PEX14: variants seen among roughly 807,000 people sequenced by gnomAD.
PEX14 encodes peroxisomal biogenesis factor 14, also known as peroxisomal membrane protein PEX14.
In PEX14, 15 loss-of-function variants were observed where a neutral mutation model predicts 49.5. The observed-to-expected ratio is 0.30, with a 90% CI of 0.20 to 0.47. The LOEUF is 0.47. Ranked by LOEUF, PEX14 falls within the 20% of genes least tolerant of loss-of-function variation. PEX14 has a pLI of 1.00. For synonymous variants in PEX14, 210 were observed against 212.7 expected, an observed-to-expected ratio of 0.99 and a Z score of 0.11; for missense variants, 398 against 494.8, an observed-to-expected ratio of 0.80 and a Z score of 1.86.
chr1:10,487,328 A>G lies in PEX14; in HGVS notation c.37-7946A>G, dbSNP rs568429863. 1.2e-4 allele frequency among the ~76,000 whole-genome samples: 17 copies of G among 141,094 alleles called. No homozygotes were observed. The East Asian group carries it at 3.4e-3, about 28-fold the overall frequency. 92.6% of individuals were successfully genotyped at this position (141,094 alleles called of 152,430 possible). On this transcript the variant is annotated intron_variant, in intron 1 of 8. Coordinates refer to ENST00000356607, the MANE Select transcript of PEX14 (RefSeq NM_004565.3). ...ACTGGCCTCATGGAGTGAGTTTGGC[A>G]GTTTTTTTTTTTTTGTATTCTTTGA...
rs111228454 is a variant in PEX14 at position 10,571,393 on chromosome 1, G to A, written c.170-27845G>A. Among the ~76,000 whole-genome samples the A allele has an allele frequency of 9.9e-3, 1,508 of 151,752 alleles. 31 individuals are homozygous for A. The highest frequency in any genetic ancestry group is 0.035 in the African/African-American group (1,428 of 41,258). ...CCAGGGGGTGGGGGTGGGATATAGG[G>A]TTTTCTTGTTTATGATGGGTACAGA... On this transcript the variant is annotated intron_variant, in intron 3 of 8. Coordinates refer to ENST00000356607, the MANE Select transcript of PEX14 (RefSeq NM_004565.3).
At position 10,495,388 on chromosome 1, in the gene PEX14, T is replaced by C. The variant is rs1641541770; in HGVS notation, c.84+67T>C. 1.6e-6 allele frequency: 2 copies of C among 1,290,312 alleles called. No individual in the cohort carries two copies. Among genetic ancestry groups the C allele is most frequent in the South Asian group, 2.4e-5 (2 of 81,920 alleles). 79.9% of individuals were successfully genotyped at this position (1,290,312 alleles called of 1,614,324 possible). A position where few individuals can be genotyped will look rare whatever the true frequency, so the allele number is the denominator to read the frequency against. On this transcript the variant is annotated intron_variant, in intron 2 of 8. Coordinates refer to ENST00000356607, the MANE Select transcript of PEX14 (RefSeq NM_004565.3). The surrounding 1 kb of genome is among the most constrained non-coding windows in gnomAD (Gnocchi z 4.2). ...AATGCCACGCGAGTGAAAAGAAACC[T>C]TCTGTTCCTATGGTTCTGCGTCAGT...
chr1:10,569,930 C>A (rs932788305), intron 3 of PEX14, among the ~76,000 whole-genome samples: 4 of 152,126 alleles, frequency 2.6e-5, no homozygotes, highest in Admixed American at 6.5e-5. Flanking sequence ...ATGAGAGGGT[C>A]TTTTAATGTG....
chr1:10,575,001 G>A (rs1055773969), intron 3 of PEX14, among the ~76,000 whole-genome samples: 28 of 151,400 alleles, frequency 1.8e-4, no homozygotes, highest in African/African-American at 6.6e-4. Flanking sequence ...AGTCCCAGCT[G>A]TTCAGGAGGC....
At chr1:10,487,843 C>T (rs970356991) in intron 1 of PEX14, among the ~76,000 whole-genome samples, 27 of 151,460 alleles carry the variant, frequency 1.8e-4, no homozygotes, top group African/African-American at 5.8e-4. Flanking sequence ...TGCAGTGGCT[C>T]GATCTCGGCT....
intron 5 of PEX14, among the ~76,000 whole-genome samples, chr1:10,619,611 G>A (rs1434032141): frequency 4.0e-5 from 6 of 151,826 alleles, no homozygotes; most frequent in African/African-American, 9.7e-5. Flanking sequence ...CACCGTGCCC[G>A]GCTGGTGATT....
intron 3 of PEX14, among the ~76,000 whole-genome samples, chr1:10,537,340 C>CA (rs1470362578): frequency 5.0e-5 from 1 of 19,850 alleles, no homozygotes; most frequent in African/African-American, 8.7e-5. Context: ...ATTGTGCCAG[C>CA]ACCCCCCCCC....
At position 10,583,150 on chromosome 1, in the gene PEX14, G is replaced by T. The variant is rs182205887; in HGVS notation, c.170-16088G>T. ...CTCTGATTTTTCTCCGTACCCCTCC[G>T]GACCTCTCAAAACCTGAACATTACT... is the stretch of plus-strand genomic sequence containing the variant. On this transcript the variant is annotated intron_variant, in intron 3 of 8. Transcript: ENST00000356607. 4.7e-3 allele frequency among the ~76,000 whole-genome samples: 718 copies of T among 152,008 alleles called. 7 individuals carry two copies. The highest frequency in any genetic ancestry group is 0.019 in the South Asian group (91 of 4,792).
At chr1:10,479,548 T>C (rs945960277) in intron 1 of PEX14, among the ~76,000 whole-genome samples, 7 of 152,236 alleles carry the variant, frequency 4.6e-5, no homozygotes, top group African/African-American at 1.7e-4. Flanking sequence ...CTAGCTTTTC[T>C]TCCTTCGCTG....
intron 2 of PEX14, among the ~76,000 whole-genome samples, chr1:10,506,025 CAT>C (rs1477190977): frequency 2.7e-5 from 4 of 150,070 alleles, no homozygotes; most frequent in African/African-American, 9.8e-5. Flanking sequence ...TCAATAAGAA[CAT>C]ATTTTTAAAA....
chr1:10,621,552 G>A (rs192666132), intron 5 of PEX14, among the ~76,000 whole-genome samples: 4 of 152,016 alleles, frequency 2.6e-5, no homozygotes, highest in East Asian at 1.9e-4. Flanking sequence ...TCACTGTGTT[G>A]GCCAGGCTGG....
At chr1:10,627,422 T>A in intron 8 of PEX14, 59 bp downstream of exon 8, 4 of 1,229,446 alleles carry the variant, frequency 3.3e-6, no homozygotes, top group Non-Finnish European at 4.8e-6. Flanking sequence ...GACTGGGAGC[T>A]CTGGGGCATG....
At chr1:10,543,129 A>G (rs1244412630) in intron 3 of PEX14, among the ~76,000 whole-genome samples, 1 of 152,178 alleles carries the variant, frequency 6.6e-6, no homozygotes, top group African/African-American at 2.4e-5. Flanking sequence ...TATGTGAAAA[A>G]TTCTTGCTTT....
intron 2 of PEX14, among the ~76,000 whole-genome samples, chr1:10,503,129 G>T (rs1452750960): frequency 6.6e-6 from 1 of 151,264 alleles, no homozygotes; most frequent in African/African-American, 2.4e-5. Flanking sequence ...CTTATCCCTG[G>T]CATCATTCTT....
chr1:10,582,429 G>C (rs1380422387), intron 3 of PEX14, among the ~76,000 whole-genome samples: 1 of 152,142 alleles, frequency 6.6e-6, no homozygotes, highest in African/African-American at 2.4e-5. Flanking sequence ...TAAGATAAAA[G>C]AAAGGTTACA....
rs545357144 is a variant in PEX14, at chr1:10,629,737, C to A, written c.884C>A (p.Pro295His). The A allele has an allele frequency of 1.4e-5, 23 of 1,597,230 alleles. No homozygotes were observed. In the African/African-American group the frequency reaches 2.5e-4, roughly 18 times the overall value. The change falls in exon 9 of 9, where the codon CCC (proline) becomes CAC (histidine). Residue 295 changes from proline (P) to histidine (H), a missense_variant. Coordinates refer to ENST00000356607, the MANE Select transcript of PEX14 (RefSeq NM_004565.3). The surrounding 1 kb of genome is among the most constrained non-coding windows in gnomAD (Gnocchi z 8.5). ...GSTVTYHLLG[P>H]QEEGEGVVDV... ...ACGGTCACCTACCACTTGCTGGGCC[C>A]CCAGGAGGAAGGCGAGGGGGTGGTG...
At chr1:10,620,079 C>T (rs995962680) in intron 5 of PEX14, among the ~76,000 whole-genome samples, 5 of 151,998 alleles carry the variant, frequency 3.3e-5, no homozygotes, top group Admixed American at 6.5e-5. Context: ...CATGCCACTG[C>T]ACTCTAGCCT....
chr1:10,540,578 T>C (rs1043520923), intron 3 of PEX14, among the ~76,000 whole-genome samples: 2 of 147,088 alleles, frequency 1.4e-5, no homozygotes, highest in East Asian at 4.0e-4. Context: ...CGAAAATAAC[T>C]GTGTTTCCTC....
At chr1:10,621,697 A>G (rs1641601116) in intron 5 of PEX14, among the ~76,000 whole-genome samples, 1 of 152,158 alleles carries the variant, frequency 6.6e-6, no homozygotes, top group South Asian at 2.1e-4. Flanking sequence ...GTGTAAGGCT[A>G]CCTTTGATGA....
Sources: gnomAD v4.1 joint callset for allele counts (sites outside exome capture counted in the v4.1 genomes callset) on GRCh38, gnomAD v4.1.1 for gene constraint, Gnocchi (gnomAD v3.1) non-coding constraint, MANE v1.5 for transcripts, NCBI Gene and HGNC (gene_info 2026-07-23, HGNC 2026-07-21) for gene names.